The following CREBRF variants were observed in gnomAD, a reference collection of about 807,000 sequenced individuals.
The protein encoded by CREBRF is CREB3 regulatory factor.
Under a neutral mutation model 66.1 loss-of-function variants are expected in CREBRF, and 5 were observed. The observed-to-expected ratio is 0.08, with a 90% CI of 0.04 to 0.16. The LOEUF is 0.16. Ranked by LOEUF, CREBRF falls within the 10% of genes least tolerant of loss-of-function variation. The pLI is 1.00. For missense variants in CREBRF, 531 were observed against 744.9 expected, an observed-to-expected ratio of 0.71 and a Z score of 3.34; for synonymous variants, 229 against 264.4, an observed-to-expected ratio of 0.87 and a Z score of 1.30.
chr5:173,087,465 A>G (rs1758189315), intron 3 of CREBRF, among the ~76,000 whole-genome samples: 1 of 151,934 alleles, frequency 6.6e-6, no homozygotes, highest in Non-Finnish European at 1.5e-5. Flanking sequence ...TGGGAGGCCA[A>G]GGCGGGCGGA....
At chr5:173,079,733 A>AT (rs1017344629) in intron 1 of CREBRF, among the ~76,000 whole-genome samples, 14 of 152,152 alleles carry the variant, frequency 9.2e-5, no homozygotes, top group African/African-American at 3.4e-4. Context: ...TTTTAAACAA[A>AT]TTTTTAGGTT....
intron 8 of CREBRF, among the ~76,000 whole-genome samples, chr5:173,125,530 C>G (rs1304975249): frequency 2.0e-5 from 3 of 152,182 alleles, no homozygotes; most frequent in African/African-American, 7.2e-5. Flanking sequence ...TTCAGAATAG[C>G]TTTTCTTTTT....
chr5:173,072,861 T>C (rs1176563092), intron 1 of CREBRF, among the ~76,000 whole-genome samples: 2 of 152,182 alleles, frequency 1.3e-5, no homozygotes, highest in Non-Finnish European at 2.9e-5. Context: ...GTCAAACAGA[T>C]GCATTTGTGC....
intron 8 of CREBRF, among the ~76,000 whole-genome samples, chr5:173,133,097 C>G (rs972320730): frequency 1.3e-5 from 2 of 152,184 alleles, no homozygotes; most frequent in Admixed American, 6.5e-5. Flanking sequence ...ACCTTTCTCC[C>G]TCTTCTCTTC....
intron 1 of CREBRF, among the ~76,000 whole-genome samples, chr5:173,078,965 A>C (rs1490462458): frequency 6.6e-6 from 1 of 152,206 alleles, no homozygotes; most frequent in African/African-American, 2.4e-5. Context: ...GGGAGGCCTA[A>C]GTCATAGGTC....
At chr5:173,086,843 C>G (rs1043067754) in intron 3 of CREBRF, among the ~76,000 whole-genome samples, 1 of 151,966 alleles carries the variant, frequency 6.6e-6, no homozygotes, top group Non-Finnish European at 1.5e-5. Flanking sequence ...GTGGTGTGAT[C>G]TTGGCTCACT....
At chr5:173,064,497 C>G (rs1757374091) in intron 1 of CREBRF, among the ~76,000 whole-genome samples, 1 of 152,044 alleles carries the variant, frequency 6.6e-6, no homozygotes, top group African/African-American at 2.4e-5. Flanking sequence ...AGTCCTCCTG[C>G]CTCAGCCTCC....
intron 1 of CREBRF, among the ~76,000 whole-genome samples, chr5:173,078,450 AAGGTT>A (rs1176891016): frequency 2.0e-5 from 3 of 151,498 alleles, no homozygotes; most frequent in Admixed American, 2.0e-4. Context: ...CATTTACAAA[AAGGTT>A]TATGTATTTA....
intron 4 of CREBRF, among the ~76,000 whole-genome samples, chr5:173,107,336 G>A (rs1294578038): frequency 6.6e-6 from 1 of 152,128 alleles, no homozygotes; most frequent in African/African-American, 2.4e-5. Flanking sequence ...TCTTGTTCAT[G>A]TACCTAGCGT....
At chr5:173,128,007 C>T (rs960914639) in intron 8 of CREBRF, among the ~76,000 whole-genome samples, 9 of 152,124 alleles carry the variant, frequency 5.9e-5, no homozygotes, top group African/African-American at 1.2e-4. Flanking sequence ...CTTTCTCCCC[C>T]CCAAAACCAG....
intron 3 of CREBRF, among the ~76,000 whole-genome samples, chr5:173,086,931 C>T (rs1026670351): frequency 6.7e-6 from 1 of 148,264 alleles, no homozygotes; most frequent in South Asian, 2.1e-4. Context: ...TGTGTGTCAC[C>T]ACATCCAACT....
chr5:173,117,884 T>TC (rs1437408146), intron 7 of CREBRF, among the ~76,000 whole-genome samples: 1 of 149,000 alleles, frequency 6.7e-6, no homozygotes, highest in Non-Finnish European at 1.5e-5. Flanking sequence ...CTGATTTTTT[T>TC]TTTTTTTGAG....
chr5:173,121,823 G>A (rs566666843), intron 7 of CREBRF, among the ~76,000 whole-genome samples: 5 of 152,258 alleles, frequency 3.3e-5, no homozygotes, highest in South Asian at 2.1e-4. Flanking sequence ...AGTGGACATC[G>A]ATGCATGTCT....
chr5:173,098,240 C>CGCAG (rs914707402), intron 4 of CREBRF, among the ~76,000 whole-genome samples: 5 of 149,844 alleles, frequency 3.3e-5, no homozygotes, highest in African/African-American at 1.2e-4. Context: ...CAGGCTGGAG[C>CGCAG]GCAGTGGCGC....
At chr5:173,119,722 TATG>T (rs1353417919) in intron 7 of CREBRF, among the ~76,000 whole-genome samples, 1 of 152,180 alleles carries the variant, frequency 6.6e-6, no homozygotes, top group African/African-American at 2.4e-5. Flanking sequence ...TATCTTTAGG[TATG>T]ATGTTTGTGT....
intron 7 of CREBRF, among the ~76,000 whole-genome samples, chr5:173,113,765 G>A (rs1758922563): frequency 6.6e-6 from 1 of 152,160 alleles, no homozygotes; most frequent in African/African-American, 2.4e-5. Flanking sequence ...CTGCTCATGG[G>A]AGGAGGTCCC....
intron 1 of CREBRF, among the ~76,000 whole-genome samples, chr5:173,063,285 C>A (rs1047666299): frequency 3.9e-5 from 6 of 152,220 alleles, no homozygotes; most frequent in African/African-American, 1.4e-4. Flanking sequence ...TCTGTCCTTT[C>A]AACACCAAAA....
chr5:173,098,280 C>T (rs1581686155), intron 4 of CREBRF, among the ~76,000 whole-genome samples: 4 of 151,974 alleles, frequency 2.6e-5, no homozygotes, highest in Admixed American at 6.5e-5. Flanking sequence ...CTCCGCCTCC[C>T]GGGTTCAGCC....
Position 173,085,890 on chromosome 5 carries a change from C to A in CREBRF, c.10-611C>A, listed in dbSNP as rs543653831. The A allele has an allele frequency of 5.8e-6, 5 of 866,878 alleles. No individual in the cohort carries two copies. In the African/African-American group the frequency reaches 6.6e-5, roughly 11 times the overall value. The allele number at this position is 866,878 out of a possible 1,614,324, so 53.7% of individuals were successfully genotyped here. ...TCTCTGAGATCAGTTTGGGTCCCAA[C>A]AAGCAAGAAAGGAGTCTTTGGGACA... On this transcript the variant is annotated intron_variant, in intron 2 of 8. Coordinates refer to ENST00000296953, the MANE Select transcript of CREBRF (RefSeq NM_153607.3).
Sources: gnomAD v4.1 joint callset for allele counts (sites outside exome capture counted in the v4.1 genomes callset) on GRCh38, gnomAD v4.1.1 for gene constraint, MANE v1.5 for transcripts, NCBI Gene and HGNC (gene_info 2026-07-23, HGNC 2026-07-21) for gene names.